Variants in IL1RAPL1 observed in about 807,000 individuals in gnomAD.
The protein encoded by IL1RAPL1 is interleukin-1 receptor accessory protein-like 1.
A neutral mutation model predicts 48.4 loss-of-function variants in IL1RAPL1; 3 were observed. The observed-to-expected ratio is 0.06, with a 90% confidence interval of 0.03 to 0.16. IL1RAPL1 has a LOEUF of 0.16. Among genes scored for constraint, IL1RAPL1 ranks in the 10% least tolerant of loss-of-function variants. The pLI, the probability that IL1RAPL1 is intolerant of heterozygous loss-of-function variation, is 1.00. For synonymous variants in IL1RAPL1, 185 were observed against 187.7 expected (o/e 0.99, Z 0.12); for missense variants, 349 against 530.6 (o/e 0.66, Z 3.36).
chrX:29,031,672 A>T (rs924096424), intron 2 of IL1RAPL1, among the ~76,000 whole-genome samples: 5 of 111,828 alleles, frequency 4.5e-5, no homozygotes, highest in African/African-American at 1.3e-4. Flanking sequence ...TGGGTTTAAA[A>T]AATTGAAATG....
chrX:29,010,711 A>AGGG (rs1407967631), intron 2 of IL1RAPL1, among the ~76,000 whole-genome samples: 1 of 105,072 alleles, frequency 9.5e-6, no homozygotes, highest in East Asian at 3.0e-4. Flanking sequence ...TAGATGGTGG[A>AGGG]GGGGAGTGTC....
chrX:29,549,681 A>C (rs753046611), intron 5 of IL1RAPL1, among the ~76,000 whole-genome samples: 1 of 111,966 alleles, frequency 8.9e-6, no homozygotes, highest in South Asian at 3.7e-4. Flanking sequence ...GAGCAGAGCA[A>C]ATATTTCCTG....
intron 8 of IL1RAPL1, among the ~76,000 whole-genome samples, chrX:29,930,753 T>C (rs913656835): frequency 2.3e-4 from 26 of 111,974 alleles, no homozygotes; most frequent in Non-Finnish European, 4.5e-4. Context: ...TACACATTTT[T>C]CAAGTATATT....
At chrX:29,402,584 C>T (rs1306695524) in intron 5 of IL1RAPL1, among the ~76,000 whole-genome samples, 1 of 111,633 alleles carries the variant, frequency 9.0e-6, no homozygotes, top group Non-Finnish European at 1.9e-5. Flanking sequence ...CTGTTATTCA[C>T]ATCTAATATT....
At chrX:28,973,482 C>T (rs1047944150) in intron 2 of IL1RAPL1, among the ~76,000 whole-genome samples, 3 of 112,026 alleles carry the variant, frequency 2.7e-5, no homozygotes, top group South Asian at 7.4e-4. Context: ...CCATATTTCA[C>T]GATTTTCCAA....
chrX:29,680,344 G>C (rs1018978151), intron 6 of IL1RAPL1, among the ~76,000 whole-genome samples: 18 of 111,752 alleles, frequency 1.6e-4, no homozygotes, highest in Non-Finnish European at 2.6e-4. Context: ...CTTCTAACCA[G>C]GAGGAAATGT....
intron 1 of IL1RAPL1, among the ~76,000 whole-genome samples, chrX:28,763,271 C>T (rs780451426): frequency 1.6e-4 from 18 of 111,353 alleles, no homozygotes; most frequent in Non-Finnish European, 3.0e-4. Flanking sequence ...ATGATTGCCA[C>T]GATATGAATG....
At chrX:28,853,816 A>T (rs1273688769) in intron 2 of IL1RAPL1, among the ~76,000 whole-genome samples, 1 of 112,100 alleles carries the variant, frequency 8.9e-6, no homozygotes, top group Non-Finnish European at 1.9e-5. Flanking sequence ...GATGTATAAA[A>T]GTTTCAAAGT....
At chrX:28,779,636 A>G (rs963340721) in intron 1 of IL1RAPL1, among the ~76,000 whole-genome samples, 32 of 37,560 alleles carry the variant, frequency 8.5e-4, no homozygotes, top group East Asian at 1.3e-3. Flanking sequence ...GTGTGTGTGT[A>G]TATATATATA....
At chrX:28,769,106 A>G (rs751277002) in intron 1 of IL1RAPL1, among the ~76,000 whole-genome samples, 1 of 108,751 alleles carries the variant, frequency 9.2e-6, no homozygotes, top group Admixed American at 1.0e-4. Flanking sequence ...TGATGGTGTA[A>G]GAATATGAGT....
chrX:29,394,983 A>T (rs1933903625), intron 3 of IL1RAPL1, among the ~76,000 whole-genome samples: 1 of 112,199 alleles, frequency 8.9e-6, no homozygotes, highest in South Asian at 3.7e-4. Flanking sequence ...CAAAAGCAAG[A>T]ATCTAAATAA....
intron 2 of IL1RAPL1, among the ~76,000 whole-genome samples, chrX:28,792,970 T>G (rs1396920281): frequency 9.7e-6 from 1 of 103,266 alleles, no homozygotes; most frequent in African/African-American, 3.5e-5. Flanking sequence ...AACTAAGGAC[T>G]ATATCTGGTC....
At chrX:29,720,081 A>G (rs1396189483) in intron 6 of IL1RAPL1, among the ~76,000 whole-genome samples, 2 of 112,130 alleles carry the variant, frequency 1.8e-5, no homozygotes, top group Non-Finnish European at 3.8e-5. Context: ...TAGAATGGCA[A>G]TCATTAAAAA....
chrX:29,649,848 T>C, intron 5 of IL1RAPL1, among the ~76,000 whole-genome samples: 1 of 111,532 alleles, frequency 9.0e-6, no homozygotes, highest in East Asian at 2.8e-4. Flanking sequence ...TGATCTTATA[T>C]ATATAGAAAA....
chrX:29,513,677 G>C lies in IL1RAPL1; in HGVS notation c.703+114369G>C, dbSNP rs570070467. On this transcript the variant is annotated intron_variant, in intron 5 of 10. Transcript: ENST00000378993. ...ATAAGATGGAAACTTGTAGATGCCT[G>C]CATTAAATCATAGATTTGGACTTTG... Among the ~76,000 whole-genome samples, 35 of 112,038 alleles carry C rather than the reference G, an allele frequency of 3.1e-4. No homozygotes were observed. In the South Asian group the frequency reaches 0.011, roughly 36 times the overall value.
chrX:29,934,858 G>T (rs934891105), intron 8 of IL1RAPL1, among the ~76,000 whole-genome samples: 1 of 111,600 alleles, frequency 9.0e-6, no homozygotes, highest in Non-Finnish European at 1.9e-5. Flanking sequence ...CATTGCCTAT[G>T]ATATAGTCTA....
chrX:28,778,673 A>G (rs1347450935), intron 1 of IL1RAPL1, among the ~76,000 whole-genome samples: 2 of 111,992 alleles, frequency 1.8e-5, no homozygotes, highest in Non-Finnish European at 3.8e-5. Context: ...TCATCCATTT[A>G]CAGTATTTTT....
At chrX:29,632,189 C>T (rs1235124928) in intron 5 of IL1RAPL1, among the ~76,000 whole-genome samples, 1 of 108,175 alleles carries the variant, frequency 9.2e-6, no homozygotes, top group Non-Finnish European at 1.9e-5. Context: ...CACTCTGTTG[C>T]CCAGGCTGGA....
chrX:29,418,743 G>A (rs976897215), intron 5 of IL1RAPL1, among the ~76,000 whole-genome samples: 10 of 111,959 alleles, frequency 8.9e-5, no homozygotes, highest in African/African-American at 3.2e-4. Context: ...TCATTAGTTG[G>A]TTATGACATT....
Sources: gnomAD v4.1 joint callset for allele counts (sites outside exome capture counted in the v4.1 genomes callset) on GRCh38, gnomAD v4.1.1 for gene constraint, MANE v1.5 for transcripts, NCBI Gene and HGNC (gene_info 2026-07-23, HGNC 2026-07-21) for gene names.